Variants in NDRG3 observed in about 807,000 individuals in gnomAD.
The protein encoded by NDRG3 is protein NDRG3.
In NDRG3, 23 loss-of-function variants were observed where a neutral mutation model predicts 57.2. That is an observed-to-expected ratio of 0.40 (90% CI 0.29 to 0.57). The LOEUF (loss-of-function observed/expected upper bound fraction) is 0.57, where lower values mean the gene tolerates loss of function less well. NDRG3 is among the 20% of genes least tolerant of loss of function. The probability of loss-of-function intolerance (pLI) is 0.42; values close to 1 mark genes in which losing one functional copy is unlikely to be tolerated. For missense variants in NDRG3, 384 were observed against 457.3 expected, an observed-to-expected ratio of 0.84 and a Z score of 1.46; for synonymous variants, 132 against 162.6, an observed-to-expected ratio of 0.81 and a Z score of 1.43.
chr20:36,656,816 A>T (rs1441727343), intron 13 of NDRG3, among the ~76,000 whole-genome samples: 2 of 152,218 alleles, frequency 1.3e-5, no homozygotes, highest in African/African-American at 4.8e-5. Context: ...ACTCTCAACC[A>T]TGAAAACCAC....
At chr20:36,701,501 C>T (rs971572220) in intron 3 of NDRG3, among the ~76,000 whole-genome samples, 3 of 151,034 alleles carry the variant, frequency 2.0e-5, no homozygotes, top group African/African-American at 2.4e-5. Flanking sequence ...GCTATAATCA[C>T]GTCACTGCAC....
At chr20:36,694,064 T>G (rs1016921847) in intron 3 of NDRG3, among the ~76,000 whole-genome samples, 3 of 152,044 alleles carry the variant, frequency 2.0e-5, no homozygotes, top group African/African-American at 7.2e-5. Context: ...GAAAATATAT[T>G]TACTATTCAT....
intron 8 of NDRG3, among the ~76,000 whole-genome samples, chr20:36,673,547 A>G (rs1316018005): frequency 6.6e-6 from 1 of 152,030 alleles, no homozygotes; most frequent in African/African-American, 2.4e-5. Flanking sequence ...CTGGGAACAC[A>G]GGCGTGCACC....
At chr20:36,698,728 G>A (rs1983007222) in intron 3 of NDRG3, among the ~76,000 whole-genome samples, 1 of 151,872 alleles carries the variant, frequency 6.6e-6, no homozygotes, top group Non-Finnish European at 1.5e-5. Flanking sequence ...CATCAATGGG[G>A]AAATTAATAA....
intron 1 of NDRG3, among the ~76,000 whole-genome samples, chr20:36,744,051 C>G (rs1169569941): frequency 1.3e-5 from 2 of 151,480 alleles, no homozygotes; most frequent in East Asian, 4.0e-4. Flanking sequence ...CAGGCGCCCA[C>G]CACCACACGC....
intron 2 of NDRG3, among the ~76,000 whole-genome samples, chr20:36,714,982 CTG>C (rs374158525): frequency 0.06 from 2,992 of 49,884 alleles, 356 homozygotes; most frequent in South Asian, 0.12. Flanking sequence ...AATCCTATAT[CTG>C]TGTGTGTGTG....
intron 12 of NDRG3, among the ~76,000 whole-genome samples, chr20:36,662,605 G>A (rs1200323410): frequency 6.6e-6 from 1 of 152,212 alleles, no homozygotes; most frequent in Non-Finnish European, 1.5e-5. Flanking sequence ...AAAATATGAT[G>A]TTGAATGAAT....
At chr20:36,709,067 A>G (rs1983721187) in intron 2 of NDRG3, among the ~76,000 whole-genome samples, 1 of 152,172 alleles carries the variant, frequency 6.6e-6, no homozygotes, top group African/African-American at 2.4e-5. Context: ...AAATAACTAA[A>G]TAAATCACAG....
chr20:36,714,169 T>G (rs940421382), intron 2 of NDRG3, among the ~76,000 whole-genome samples: 7 of 151,868 alleles, frequency 4.6e-5, no homozygotes, highest in African/African-American at 1.7e-4. Flanking sequence ...GGCAGGTGGA[T>G]CATGAGATCA....
rs185258988 is a variant in NDRG3 at position 36,713,703 on chromosome 20, A to G, written c.58-6696T>C. On this transcript the variant is annotated intron_variant, in intron 2 of 15. Coordinates refer to ENST00000349004, the MANE Select transcript of NDRG3 (RefSeq NM_032013.4). ...AGGTCCATTTCTGATTCACCATTCTATTCCTGGTCCTGACACTTAATGAGT... is the reference window on the plus strand; with the variant it reads ...AGGTCCATTTCTGATTCACCATTCTGTTCCTGGTCCTGACACTTAATGAGT... Among the ~76,000 whole-genome samples the G allele has an allele frequency of 2.0e-5, 3 of 152,314 alleles. No homozygotes were observed. In the East Asian group the frequency reaches 5.8e-4, roughly 29 times the overall value.
intron 3 of NDRG3, among the ~76,000 whole-genome samples, chr20:36,697,021 C>A (rs6028875): frequency 2.0e-5 from 3 of 152,182 alleles, no homozygotes; most frequent in African/African-American, 7.2e-5. Flanking sequence ...GTATTTAACT[C>A]AATACTGAAG....
At chr20:36,696,869 G>A (rs1386401643) in intron 3 of NDRG3, among the ~76,000 whole-genome samples, 1 of 152,080 alleles carries the variant, frequency 6.6e-6, no homozygotes. Context: ...TCCATCTATT[G>A]GGATTCTCTT....
intron 1 of NDRG3, among the ~76,000 whole-genome samples, chr20:36,741,276 G>A (rs544957099): frequency 4.5e-4 from 69 of 152,144 alleles, no homozygotes; most frequent in Admixed American, 7.2e-4. Flanking sequence ...GGAAGCTTAC[G>A]TGATACCAAG....
At chr20:36,707,617 G>A (rs773107148) in intron 2 of NDRG3, among the ~76,000 whole-genome samples, 6 of 152,068 alleles carry the variant, frequency 3.9e-5, no homozygotes, top group Non-Finnish European at 5.9e-5. Context: ...AAAAGGACAA[G>A]TCATTGAATC....
intron 6 of NDRG3, among the ~76,000 whole-genome samples, chr20:36,683,845 C>T (rs985750198): frequency 6.6e-6 from 1 of 151,862 alleles, no homozygotes; most frequent in African/African-American, 2.4e-5. Flanking sequence ...TCAATCATCC[C>T]CCAACAGCAG....
chr20:36,720,241 C>T (rs992537976), intron 2 of NDRG3, among the ~76,000 whole-genome samples: 1 of 151,814 alleles, frequency 6.6e-6, no homozygotes, highest in Non-Finnish European at 1.5e-5. Context: ...GGCATGATCT[C>T]GGCTCACTGC....
At chr20:36,718,086 C>T (rs910682524) in intron 2 of NDRG3, among the ~76,000 whole-genome samples, 2 of 152,350 alleles carry the variant, frequency 1.3e-5, no homozygotes, top group Non-Finnish European at 2.9e-5. Flanking sequence ...TATCTGTGCT[C>T]CTTCCTCATC....
At chr20:36,728,730 G>T (rs924412732) in intron 1 of NDRG3, among the ~76,000 whole-genome samples, 3 of 151,160 alleles carry the variant, frequency 2.0e-5, no homozygotes, top group Non-Finnish European at 3.0e-5. Context: ...TTGTTTTTTT[G>T]GGGGGGAGGT....
intron 13 of NDRG3, 134 bp downstream of exon 13, chr20:36,660,203 G>A: frequency 3.0e-6 from 2 of 674,898 alleles, no homozygotes; most frequent in South Asian, 3.8e-5. Flanking sequence ...GCGGGACTCT[G>A]TCTCAAAGAA....
Sources: gnomAD v4.1 joint callset for allele counts (sites outside exome capture counted in the v4.1 genomes callset) on GRCh38, gnomAD v4.1.1 for gene constraint, MANE v1.5 for transcripts, NCBI Gene and HGNC (gene_info 2026-07-23, HGNC 2026-07-21) for gene names.